L3MBTL4: variants seen among roughly 807,000 people sequenced by gnomAD.
L3MBTL4 encodes the protein lethal(3)malignant brain tumor-like protein 4.
A neutral mutation model predicts 84.5 loss-of-function variants in L3MBTL4; 70 were observed. That is an observed-to-expected ratio of 0.83 (90% CI 0.68 to 1.01). The LOEUF (loss-of-function observed/expected upper bound fraction) is 1.01. L3MBTL4 is among the 50% of genes least tolerant of loss of function. The probability of loss-of-function intolerance (pLI) is 0.00; values close to 1 mark genes in which losing one functional copy is unlikely to be tolerated. For synonymous variants in L3MBTL4, 274 were observed against 259.8 expected (o/e 1.05, Z -0.52); for missense variants, 715 against 754.8 (o/e 0.95, Z 0.62).
intron 1 of L3MBTL4, among the ~76,000 whole-genome samples, chr18:6,325,895 T>A (rs181318999): frequency 3.7e-4 from 56 of 152,306 alleles, no homozygotes; most frequent in Non-Finnish European, 7.1e-4. Context: ...AACTGAACAG[T>A]CCATTTTTCT....
At chr18:6,383,332 C>T (rs1454165339) in intron 1 of L3MBTL4, among the ~76,000 whole-genome samples, 4 of 152,096 alleles carry the variant, frequency 2.6e-5, no homozygotes, top group Non-Finnish European at 5.9e-5. Context: ...TTCTGTCTTG[C>T]TGGCATTCCA....
At chr18:5,993,841 G>A (rs1223949146) in intron 16 of L3MBTL4, among the ~76,000 whole-genome samples, 1 of 152,132 alleles carries the variant, frequency 6.6e-6, no homozygotes, top group African/African-American at 2.4e-5. Flanking sequence ...AATGGCACAG[G>A]AATGGAATTT....
At chr18:6,195,222 TC>T (rs1224791069) in intron 12 of L3MBTL4, among the ~76,000 whole-genome samples, 17 of 152,254 alleles carry the variant, frequency 1.1e-4, no homozygotes, top group African/African-American at 4.1e-4. Flanking sequence ...GAGCTGCCAG[TC>T]CATCAGTAAC....
At chr18:6,001,561 T>C (rs2054215076) in intron 16 of L3MBTL4, among the ~76,000 whole-genome samples, 1 of 152,014 alleles carries the variant, frequency 6.6e-6, no homozygotes, top group Non-Finnish European at 1.5e-5. Flanking sequence ...ATTCAAATGG[T>C]CAGTTTCAAC....
intron 18 of L3MBTL4, among the ~76,000 whole-genome samples, chr18:5,959,456 A>G (rs2095251083): frequency 6.6e-6 from 1 of 152,206 alleles, no homozygotes; most frequent in Admixed American, 6.5e-5. Flanking sequence ...TAGCTGGTCC[A>G]GTCTCTTCCG....
intron 16 of L3MBTL4, among the ~76,000 whole-genome samples, chr18:6,066,606 G>A (rs1252403463): frequency 1.3e-5 from 2 of 152,030 alleles, no homozygotes; most frequent in African/African-American, 2.4e-5. Context: ...ATTACATAAT[G>A]TCATTCTTTA....
intron 16 of L3MBTL4, among the ~76,000 whole-genome samples, chr18:5,982,814 T>C (rs979412068): frequency 2.6e-5 from 4 of 152,236 alleles, no homozygotes; most frequent in African/African-American, 9.6e-5. Context: ...ATTAATTTAC[T>C]ATGTTTTCCC....
Position 6,185,999 on chromosome 18 carries a change from T to TTTATTTTATTTTATTTTA in L3MBTL4, c.982-14058_982-14057insTAAAATAAAATAAAATAA, listed in dbSNP as rs1216629091. On this transcript the variant is annotated intron_variant, in intron 12 of 18. Coordinates refer to ENST00000317931, the MANE Select transcript of L3MBTL4 (RefSeq NM_001330559.2). ...ATTTTATTTTATTTTATTTTATTAT[T>TTTATTTTATTTTATTTTA]TTATATTTTATTTTATTTTATTTTA... 3.9e-5 allele frequency among the ~76,000 whole-genome samples: 5 copies of TTTATTTTATTTTATTTTA among 128,498 alleles called. 1 individual carries two copies. The highest frequency in any genetic ancestry group is 2.0e-4 in the African/African-American group (5 of 25,208). The allele number at this position is 128,498 out of a possible 152,430, so 84.3% of individuals were successfully genotyped here.
intron 14 of L3MBTL4, among the ~76,000 whole-genome samples, chr18:6,098,086 C>T (rs967193923): frequency 2.0e-5 from 3 of 152,140 alleles, no homozygotes; most frequent in Admixed American, 2.0e-4. Context: ...GATTCTGCTC[C>T]TCAGCTATAC....
At chr18:6,380,349 C>G (rs1332674590) in intron 1 of L3MBTL4, among the ~76,000 whole-genome samples, 2 of 152,106 alleles carry the variant, frequency 1.3e-5, no homozygotes, top group African/African-American at 4.8e-5. Context: ...TATTTCTTGT[C>G]TTCTGCTACC....
At chr18:6,279,235 T>C (rs961669046) in intron 4 of L3MBTL4, among the ~76,000 whole-genome samples, 1 of 151,600 alleles carries the variant, frequency 6.6e-6, no homozygotes, top group African/African-American at 2.4e-5. Context: ...AGTGAAGAAT[T>C]GATAAAACAA....
chr18:6,021,642 A>AAAGGGAAGACACTGATCCTTGGGGTT (rs1295859859), intron 16 of L3MBTL4, among the ~76,000 whole-genome samples: 4 of 152,318 alleles, frequency 2.6e-5, no homozygotes, highest in African/African-American at 9.6e-5. Context: ...GGAGTGCGCA[A>AAAGGGAAGACACTGATCCTTGGGGTT]AAGGGAAGAC....
At chr18:6,026,808 GA>G (rs1482617281) in intron 16 of L3MBTL4, among the ~76,000 whole-genome samples, 1 of 152,104 alleles carries the variant, frequency 6.6e-6, no homozygotes, top group African/African-American at 2.4e-5. Context: ...TTCATAAGTT[GA>G]AAATATCTAA....
At chr18:6,023,435 C>G (rs1465976350) in intron 16 of L3MBTL4, among the ~76,000 whole-genome samples, 1 of 152,116 alleles carries the variant, frequency 6.6e-6, no homozygotes, top group African/African-American at 2.4e-5. Flanking sequence ...TTTGATAGAA[C>G]GAAGAACATT....
intron 4 of L3MBTL4, among the ~76,000 whole-genome samples, chr18:6,283,569 A>C (rs568653494): frequency 6.6e-6 from 1 of 152,194 alleles, no homozygotes; most frequent in East Asian, 1.9e-4. Context: ...AAATATGAGC[A>C]TCTACACCAA....
At chr18:6,220,686 T>G (rs188458142) in intron 10 of L3MBTL4, among the ~76,000 whole-genome samples, 2 of 152,346 alleles carry the variant, frequency 1.3e-5, no homozygotes, top group Admixed American at 1.3e-4. Flanking sequence ...TCACTGTTAT[T>G]TCCTCACAAC....
rs150407927 is a variant in L3MBTL4 at position 6,412,166 on chromosome 18, T to A, written c.-91+2635A>T. ...TCCCATCCTTCGATAGGTCCCAGTGTATGTTGTTCCCCTTTATGTGTCCAT... is the reference window on the plus strand; with the variant it reads ...TCCCATCCTTCGATAGGTCCCAGTGAATGTTGTTCCCCTTTATGTGTCCAT... On this transcript the variant is annotated intron_variant, in intron 1 of 18. Coordinates refer to ENST00000317931, the MANE Select transcript of L3MBTL4 (RefSeq NM_001330559.2). Among the ~76,000 whole-genome samples the A allele has an allele frequency of 2.0e-5, 3 of 152,248 alleles. No individual in the cohort carries two copies. In the East Asian group the frequency reaches 5.8e-4, roughly 29 times the overall value.
intron 12 of L3MBTL4, among the ~76,000 whole-genome samples, chr18:6,211,650 CTTT>C (rs764185744): frequency 5.6e-5 from 8 of 142,408 alleles, no homozygotes; most frequent in Admixed American, 7.1e-5. Context: ...AAATGAAATA[CTTT>C]TTTTTTTTTT....
At chr18:6,163,410 C>T (rs983531390) in intron 13 of L3MBTL4, among the ~76,000 whole-genome samples, 5 of 151,670 alleles carry the variant, frequency 3.3e-5, no homozygotes, top group African/African-American at 1.2e-4. Flanking sequence ...ATCAATAAAA[C>T]ATAAATATTT....
Sources: allele counts gnomAD v4.1 joint callset (sites outside exome capture counted in the v4.1 genomes callset), GRCh38; gene constraint gnomAD v4.1.1; transcripts MANE v1.5; gene names NCBI Gene and HGNC (gene_info 2026-07-23, HGNC 2026-07-21).